BCL11A: variants seen among roughly 807,000 people sequenced by gnomAD.
BCL11A encodes B cell CLL/lymphoma 11A.
BCL11A carries 2 observed loss-of-function variants against 55.9 expected under a neutral mutation model. The observed-to-expected ratio is 0.04, with a 90% CI of 0.01 to 0.11. BCL11A has a LOEUF of 0.11. BCL11A is among the 10% of genes least tolerant of loss of function. The pLI, the probability that BCL11A is intolerant of heterozygous loss-of-function variation, is 1.00. For synonymous variants in BCL11A, 465 were observed against 473.4 expected (o/e 0.98, Z 0.23); for missense variants, 817 against 1,137.1 (o/e 0.72, Z 4.05).
intron 2 of BCL11A, among the ~76,000 whole-genome samples, chr2:60,523,909 A>G (rs944341395): frequency 3.3e-5 from 5 of 152,226 alleles, no homozygotes; most frequent in African/African-American, 4.8e-5. Flanking sequence ...GCCAAATAGG[A>G]GCTTTAAGCA....
At position 60,457,600 on chromosome 2, in the gene BCL11A, T is replaced by C; in HGVS notation, c.*2804A>G. 1 of 1,045,348 alleles carries C rather than the reference T, an allele frequency of 9.6e-7. No individual in the cohort carries two copies. Among genetic ancestry groups the C allele is most frequent in the Non-Finnish European group, 1.2e-6 (1 of 866,712 alleles). The allele number at this position is 1,045,348 out of a possible 1,614,324, so 64.8% of individuals were successfully genotyped here. ...CTTTCTCTTTAATATGCTTTGCATA[T>C]GAAATTCTTTCCAATCTAAATATAA... On this transcript the variant is annotated 3_prime_UTR_variant, in exon 4 of 4. Transcript: ENST00000642384.
intron 2 of BCL11A, among the ~76,000 whole-genome samples, chr2:60,510,639 A>G (rs1256522752): frequency 1.3e-5 from 2 of 152,208 alleles, no homozygotes. Flanking sequence ...GGAGTTTTTA[A>G]GGCTTTCTAT....
chr2:60,500,261 T>C (rs776242044), intron 2 of BCL11A, among the ~76,000 whole-genome samples: 3 of 151,632 alleles, frequency 2.0e-5, no homozygotes, highest in Non-Finnish European at 2.9e-5. Flanking sequence ...AGAGTGAAAG[T>C]GGACAAGTCA....
intron 2 of BCL11A, among the ~76,000 whole-genome samples, chr2:60,501,577 T>C (rs2104408208): frequency 6.7e-6 from 1 of 148,622 alleles, no homozygotes; most frequent in East Asian, 2.0e-4. Context: ...TGGTGTGATC[T>C]CGGCTCACCA....
chr2:60,489,732 TCCAACTGTCTATTTACTAA>T (rs929567783), intron 2 of BCL11A, among the ~76,000 whole-genome samples: 158 of 152,268 alleles, frequency 1.0e-3, no homozygotes, highest in African/African-American at 3.7e-3. Context: ...CGTTCTCCTT[TCCAACTGTCTATTTACTAA>T]CCACTTTTAT....
chr2:60,519,187 T>C, intron 2 of BCL11A, among the ~76,000 whole-genome samples: 1 of 151,926 alleles, frequency 6.6e-6, no homozygotes, highest in East Asian at 1.9e-4. Flanking sequence ...AAGAAATAGG[T>C]GTGAAAGCGG....
intron 2 of BCL11A, among the ~76,000 whole-genome samples, chr2:60,493,700 A>G (rs1364072692): frequency 6.6e-6 from 1 of 152,168 alleles, no homozygotes; most frequent in Non-Finnish European, 1.5e-5. Context: ...CAGCATGGAG[A>G]GTCAAGGAGA....
chr2:60,451,825 C>A (rs1006228621), exon 5 of BCL11A: 2 of 229,636 alleles, frequency 8.7e-6, no homozygotes, highest in African/African-American at 4.4e-5. Flanking sequence ...ATTCGGCGTG[C>A]CATATTATGC....
chr2:60,482,106 G>A (rs906485700), intron 2 of BCL11A, among the ~76,000 whole-genome samples: 1 of 152,186 alleles, frequency 6.6e-6, no homozygotes, highest in Non-Finnish European at 1.5e-5. Flanking sequence ...CTGTTAAGGG[G>A]CGGGTGGTTT....
At chr2:60,475,888 G>A (rs1178356801) in intron 2 of BCL11A, among the ~76,000 whole-genome samples, 1 of 152,210 alleles carries the variant, frequency 6.6e-6, no homozygotes, top group Non-Finnish European at 1.5e-5. Flanking sequence ...TGGAGAGACT[G>A]CTAGAGGAAA....
chr2:60,481,954 C>T (rs45527235), intron 2 of BCL11A, among the ~76,000 whole-genome samples: 3,513 of 152,248 alleles, frequency 0.023, 218 homozygotes, highest in East Asian at 0.21. Context: ...AGACCTTCTC[C>T]GGAACCTCTG....
Position 60,516,491 on chromosome 2 carries a change from G to A in BCL11A, c.385+29480C>T, listed in dbSNP as rs75883866. Among the ~76,000 whole-genome samples, 1,018 of 152,326 alleles carry A rather than the reference G, an allele frequency of 6.7e-3. 10 individuals carry two copies. The highest frequency in any genetic ancestry group is 0.024 in the African/African-American group (988 of 41,554). On this transcript the variant is annotated intron_variant, in intron 2 of 3. Transcript: ENST00000642384. The stretch of plus-strand genomic sequence containing the variant: ...TCTCAGCCTCCATGAAGTCGTCACT[G>A]GGAGAGGAGCCAAGAGGGAGGGGGC...
At chr2:60,501,881 T>C (rs999778991) in intron 2 of BCL11A, among the ~76,000 whole-genome samples, 2 of 152,170 alleles carry the variant, frequency 1.3e-5, no homozygotes, top group Non-Finnish European at 2.9e-5. Context: ...GAAGATGCAT[T>C]CTGAGAAGTT....
downstream of BCL11A, among the ~76,000 whole-genome samples, chr2:60,454,116 A>C (rs896512333): frequency 2.0e-5 from 3 of 152,160 alleles, no homozygotes; most frequent in Non-Finnish European, 4.4e-5. Flanking sequence ...TGTATGTAGT[A>C]AATTAAACAG....
intron 2 of BCL11A, chr2:60,527,851 T>G (rs1323093402): frequency 1.3e-5 from 2 of 152,272 alleles, no homozygotes; most frequent in Non-Finnish European, 2.9e-5. Flanking sequence ...GGTTTTGGAA[T>G]ACATTGTGTA....
chr2:60,545,800 G>T, intron 2 of BCL11A, 171 bp downstream of exon 2: 1 of 629,526 alleles, frequency 1.6e-6, no homozygotes, highest in Non-Finnish European at 2.8e-6. Context: ...TTATTTTTCT[G>T]TGTTCTGGAC....
intron 2 of BCL11A, among the ~76,000 whole-genome samples, chr2:60,509,541 G>A (rs1440982313): frequency 6.6e-6 from 1 of 152,192 alleles, no homozygotes; most frequent in Non-Finnish European, 1.5e-5. Flanking sequence ...ACAGCAGCTC[G>A]ATGGTCTACC....
chr2:60,541,635 C>A, intron 2 of BCL11A: 1 of 336,472 alleles, frequency 3.0e-6, no homozygotes. Context: ...GCCTCACAAA[C>A]ATAGGCTCCC....
At chr2:60,530,332 TAAAAAA>T (rs10699821) in intron 2 of BCL11A, among the ~76,000 whole-genome samples, 14 of 129,920 alleles carry the variant, frequency 1.1e-4, no homozygotes, top group African/African-American at 2.6e-4. Flanking sequence ...TTCAGCCATT[TAAAAAA>T]AAAAAAAAAA....
Sources: gnomAD v4.1 joint callset for allele counts (sites outside exome capture counted in the v4.1 genomes callset) on GRCh38, gnomAD v4.1.1 for gene constraint, MANE v1.5 for transcripts, NCBI Gene and HGNC (gene_info 2026-07-23, HGNC 2026-07-21) for gene names.